The following PCDHGA10 variants were observed in gnomAD, a reference collection of about 807,000 sequenced individuals.
PCDHGA10 encodes the protein protocadherin gamma-A10.
A neutral mutation model predicts 59.5 loss-of-function variants in PCDHGA10; 42 were observed. The observed-to-expected ratio is 0.71, with a 90% CI of 0.55 to 0.91. The LOEUF is 0.91. Ranked by LOEUF, PCDHGA10 falls within the 40% of genes least tolerant of loss-of-function variation. The probability of loss-of-function intolerance (pLI) is 0.00; values close to 1 mark genes in which losing one functional copy is unlikely to be tolerated. For synonymous variants in PCDHGA10, 511 were observed against 517.2 expected (o/e 0.99, Z 0.16); for missense variants, 1,111 against 1,198.2 (o/e 0.93, Z 1.07).
chr5:141,424,497 A>G (rs2096824503), intron 1 of PCDHGA10: 2 of 152,174 alleles, frequency 1.3e-5, no homozygotes, highest in African/African-American at 2.4e-5. Flanking sequence ...GTTTGTATGT[A>G]TGGAAGGTTT....
intron 3 of PCDHGA10, among the ~76,000 whole-genome samples, chr5:141,509,092 G>T (rs943269087): frequency 1.3e-5 from 2 of 152,180 alleles, no homozygotes; most frequent in African/African-American, 4.8e-5. Context: ...TGAAATGGGG[G>T]CTGTAGAAAC....
At chr5:141,445,575 G>A (rs571896159) in intron 1 of PCDHGA10, among the ~76,000 whole-genome samples, 18 of 152,262 alleles carry the variant, frequency 1.2e-4, no homozygotes, top group African/African-American at 4.3e-4. Flanking sequence ...CTTATAGTAG[G>A]GAAGCTTCGC....
At chr5:141,467,920 A>G (rs1244280087) in intron 1 of PCDHGA10, among the ~76,000 whole-genome samples, 1 of 152,124 alleles carries the variant, frequency 6.6e-6, no homozygotes, top group Non-Finnish European at 1.5e-5. Flanking sequence ...CAGCCTCCCA[A>G]AATGCTAGGA....
At chr5:141,422,348 A>G (rs1163115969) in intron 1 of PCDHGA10, 1 of 1,554,608 alleles carries the variant, frequency 6.4e-7, no homozygotes, top group Non-Finnish European at 8.7e-7. Context: ...AATGTGCAAG[A>G]TCAAGATTCT....
chr5:141,475,715 C>A (rs989484033), intron 1 of PCDHGA10, among the ~76,000 whole-genome samples: 3 of 152,366 alleles, frequency 2.0e-5, no homozygotes, highest in South Asian at 4.1e-4. Context: ...AGCCTCACAG[C>A]CCCAAGGCTG....
chr5:141,485,566 C>G lies in PCDHGA10; in HGVS notation c.2437-9241C>G, dbSNP rs768144422. On this transcript the variant is annotated intron_variant, in intron 1 of 3. Transcript: ENST00000398610. This position sits in a 1 kb window ranked among gnomAD's most constrained non-coding sequence, Gnocchi z 5.7. ...TCGTAGATGTGAATGATCACGCCCC[C>G]CGTTTTCCGCGGCAGCAGCTGGACT... 2.5e-6 allele frequency: 4 copies of G among 1,612,808 alleles called. No homozygotes were observed. Among genetic ancestry groups the G allele is most frequent in the South Asian group, 2.2e-5 (2 of 91,028 alleles).
In PCDHGA10 at chr5:141,511,555, C is replaced by T; in HGVS notation, c.*382C>T. 1 of 305,302 alleles carries T rather than the reference C, an allele frequency of 3.3e-6. No individual in the cohort carries two copies. Among genetic ancestry groups the T allele is most frequent in the South Asian group, 3.6e-5 (1 of 28,078 alleles). 18.9% of individuals were successfully genotyped at this position (305,302 alleles called of 1,614,324 possible). ...CCTCCCCACCCCACTCCAACAGTTC[C>T]TCTTTCCCGAGTAAGGTGGTTGGGG... On this transcript the variant is annotated 3_prime_UTR_variant, in exon 4 of 4. Coordinates refer to ENST00000398610, the MANE Select transcript of PCDHGA10 (RefSeq NM_018913.3).
At position 141,415,217 on chromosome 5, in the gene PCDHGA10, GCTTCGAGTCT is replaced by G; in HGVS notation, c.2044_2053del (p.Phe682GlnfsTer15). 2.5e-6 allele frequency: 4 copies of G among 1,614,124 alleles called. No homozygotes were observed. Among genetic ancestry groups the G allele is most frequent in the Non-Finnish European group, 3.4e-6 (4 of 1,180,038 alleles). On this transcript the variant is annotated frameshift_variant, in exon 1 of 4. Coordinates refer to ENST00000398610, the MANE Select transcript of PCDHGA10 (RefSeq NM_018913.3). LOFTEE classifies it high-confidence loss of function. ...CCCCAAGTCCTGGCGGACCTCGGCAGCTTCGAGTCTCCAGCTAACTCTGAAACCTCAGACC... is the reference window on the plus strand; with the variant it reads ...CCCCAAGTCCTGGCGGACCTCGGCAGCCAGCTAACTCTGAAACCTCAGACC...
At chr5:141,469,552 C>T (rs956606902) in intron 1 of PCDHGA10, among the ~76,000 whole-genome samples, 3 of 151,910 alleles carry the variant, frequency 2.0e-5, no homozygotes, top group Non-Finnish European at 4.4e-5. Flanking sequence ...TCCAGCCTGG[C>T]GACAGAGTGA....
rs557973676 is a variant in PCDHGA10, at chr5:141,429,315, T to C, written c.2436+13704T>C. 9.2e-5 allele frequency among the ~76,000 whole-genome samples: 14 copies of C among 152,298 alleles called. No individual in the cohort carries two copies. In the South Asian group the frequency reaches 2.9e-3, roughly 32 times the overall value. ...ACATCAATATTTGAGTATATAAGGC[T>C]TTTTCTTTAATCCATTAACTATAAA... On this transcript the variant is annotated intron_variant, in intron 1 of 3. Transcript: ENST00000398610.
At chr5:141,427,970 C>G in intron 1 of PCDHGA10, 1 of 1,592,510 alleles carries the variant, frequency 6.3e-7, no homozygotes. Context: ...GGGTGCTGTA[C>G]CCCGCGCTGG....
chr5:141,507,344 AT>A (rs1345461058), intron 3 of PCDHGA10: 5 of 152,206 alleles, frequency 3.3e-5, no homozygotes, highest in Non-Finnish European at 5.9e-5. Context: ...TTTACCTGAA[AT>A]TCAAATTTAA....
chr5:141,418,807 G>A (rs1400599346), intron 1 of PCDHGA10: 2 of 1,613,650 alleles, frequency 1.2e-6, no homozygotes, highest in African/African-American at 1.3e-5. Context: ...AAAGATATAC[G>A]ATAAACATAG....
Position 141,454,782 on chromosome 5 carries a change from C to A in PCDHGA10, c.2436+39171C>A, listed in dbSNP as rs116242508. On this transcript the variant is annotated intron_variant, in intron 1 of 3. Transcript: ENST00000398610. ...GACATGTTTTTTACAAGGAAATAAT[C>A]CTCCATGGTTCTAATTTTTTTTTTT... is the stretch of plus-strand genomic sequence containing the variant. 8.4e-3 allele frequency among the ~76,000 whole-genome samples: 1,205 copies of A among 143,216 alleles called. 20 individuals are homozygous for A. Among genetic ancestry groups the A allele is most frequent in the African/African-American group, 0.03 (1,150 of 37,952 alleles). The allele number at this position is 143,216 out of a possible 152,430, so 94.0% of individuals were successfully genotyped here. A position where few individuals can be genotyped will look rare whatever the true frequency, so the allele number is the denominator to read the frequency against.
At chr5:141,507,896 G>A (rs1457319438) in intron 3 of PCDHGA10, among the ~76,000 whole-genome samples, 1 of 152,210 alleles carries the variant, frequency 6.6e-6, no homozygotes, top group African/African-American at 2.4e-5. Flanking sequence ...GGTTCCTGAA[G>A]TCCAGCCCAG....
intron 1 of PCDHGA10, among the ~76,000 whole-genome samples, chr5:141,467,305 G>A (rs535466592): frequency 1.3e-5 from 2 of 152,078 alleles, no homozygotes; most frequent in African/African-American, 4.8e-5. Flanking sequence ...CACTCACCTC[G>A]GCCTCCCACA....
At chr5:141,442,358 A>C (rs2098318223) in intron 1 of PCDHGA10, 1 of 152,304 alleles carries the variant, frequency 6.6e-6, no homozygotes, top group African/African-American at 2.4e-5. Context: ...CTGTAGCTCT[A>C]TGATGCCATA....
chr5:141,420,061 G>C, intron 1 of PCDHGA10: 1 of 1,614,076 alleles, frequency 6.2e-7, no homozygotes. Flanking sequence ...TCTGCTCCAA[G>C]TCCGGACCTG....
In PCDHGA10 at chr5:141,418,416, C is replaced by G. The variant is rs377542164; in HGVS notation, c.2436+2805C>G. The G allele has an allele frequency of 2.9e-5, 46 of 1,613,866 alleles. No homozygotes were observed. Among genetic ancestry groups the G allele is most frequent in the Non-Finnish European group, 3.4e-5 (40 of 1,179,880 alleles). ...TTCTCATTGGTGGAGAAAGACAATC[C>G]TGATGGTGGCAAATATCCAGAATTA... On this transcript the variant is annotated intron_variant, in intron 1 of 3. Transcript: ENST00000398610.
Sources: allele counts gnomAD v4.1 joint callset (sites outside exome capture counted in the v4.1 genomes callset), GRCh38; gene constraint gnomAD v4.1.1; non-coding constraint Gnocchi (gnomAD v3.1); transcripts MANE v1.5; gene names NCBI Gene and HGNC (gene_info 2026-07-23, HGNC 2026-07-21).